Variants in CLYBL observed in about 807,000 individuals in gnomAD.
CLYBL encodes citramalyl-CoA lyase.
Under a neutral mutation model 38.9 loss-of-function variants are expected in CLYBL, and 31 were observed. That is an observed-to-expected ratio of 0.80 (90% confidence interval 0.60 to 1.08). The LOEUF is 1.08. Among genes scored for constraint, CLYBL ranks in the 50% least tolerant of loss-of-function variants. The pLI is 0.00. For missense variants in CLYBL, 434 were observed against 411.6 expected (o/e 1.05, Z -0.47); for synonymous variants, 171 against 158.6 (o/e 1.08, Z -0.59).
chr13:99,709,759 G>A (rs2048198900), intron 1 of CLYBL, among the ~76,000 whole-genome samples: 1 of 152,078 alleles, frequency 6.6e-6, no homozygotes, highest in Non-Finnish European at 1.5e-5. Flanking sequence ...GATGAGGAGC[G>A]TTTATTTTGT....
chr13:99,613,022 G>GATAATA (rs761939321), intron 1 of CLYBL, among the ~76,000 whole-genome samples: 14 of 136,858 alleles, frequency 1.0e-4, no homozygotes, highest in African/African-American at 3.3e-4. Flanking sequence ...TAAAAATAGT[G>GATAATA]ATGATAATAA....
At chr13:99,850,472 A>G (rs1244950324) in intron 2 of CLYBL, among the ~76,000 whole-genome samples, 4 of 152,220 alleles carry the variant, frequency 2.6e-5, no homozygotes, top group African/African-American at 9.6e-5. Context: ...ACATCACACC[A>G]CTAGGATGGC....
At chr13:99,643,215 T>A (rs1475403828) in intron 1 of CLYBL, 2 of 152,764 alleles carry the variant, frequency 1.3e-5, no homozygotes, top group Non-Finnish European at 2.9e-5. Context: ...CCAGAAGTAA[T>A]GCCTGTTCTC....
At position 99,841,692 on chromosome 13, in the gene CLYBL, G is replaced by A. The variant is rs561321446; in HGVS notation, c.250-17169G>A. 1.3e-3 allele frequency among the ~76,000 whole-genome samples: 203 copies of A among 152,240 alleles called. 4 individuals carry two copies. In the South Asian group the frequency reaches 0.018, roughly 13 times the overall value. ...CGGCATCACAGGCGTGAGCCACTGC[G>A]CCCGGCCACACACATTACTTTAAGC... On this transcript the variant is annotated intron_variant, in intron 2 of 8. Transcript: ENST00000339105.
chr13:99,665,609 C>T (rs1340675616), intron 1 of CLYBL, among the ~76,000 whole-genome samples: 1 of 151,794 alleles, frequency 6.6e-6, no homozygotes, highest in Non-Finnish European at 1.5e-5. Flanking sequence ...ACCCAAAACT[C>T]CTCTGGGGAA....
chr13:99,839,412 G>C (rs2051014823), intron 2 of CLYBL, among the ~76,000 whole-genome samples: 1 of 152,216 alleles, frequency 6.6e-6, no homozygotes, highest in Admixed American at 6.5e-5. Context: ...CAAGAGGATG[G>C]CAGGGCTCTT....
intron 1 of CLYBL, among the ~76,000 whole-genome samples, chr13:99,757,613 A>G (rs1220246741): frequency 6.6e-6 from 1 of 152,040 alleles, no homozygotes; most frequent in African/African-American, 2.4e-5. Flanking sequence ...CGGCCACACT[A>G]TGCCTGGCTA....
At chr13:99,737,493 G>A (rs560321962) in intron 1 of CLYBL, among the ~76,000 whole-genome samples, 45 of 152,284 alleles carry the variant, frequency 3.0e-4, no homozygotes, top group African/African-American at 1.0e-3. Flanking sequence ...AGGTGTGCTG[G>A]GTTCCAAAGC....
intron 2 of CLYBL, among the ~76,000 whole-genome samples, chr13:99,810,204 C>T (rs572255395): frequency 1.4e-4 from 21 of 152,342 alleles, no homozygotes; most frequent in East Asian, 5.8e-4. Context: ...CTCTCCTCTC[C>T]GGGCTTATGG....
chr13:99,739,480 C>T (rs754728276), intron 1 of CLYBL, among the ~76,000 whole-genome samples: 11 of 152,274 alleles, frequency 7.2e-5, no homozygotes, highest in East Asian at 1.9e-4. Context: ...ATCCCTGTTA[C>T]GGGCCCACGG....
chr13:99,819,421 TATA>T (rs2050531565), intron 2 of CLYBL, among the ~76,000 whole-genome samples: 1 of 10,092 alleles, frequency 9.9e-5, no homozygotes, highest in African/African-American at 4.2e-4. Context: ...AAAATTTATA[TATA>T]TATATATATA....
chr13:99,828,664 T>C (rs1436673451), intron 2 of CLYBL, among the ~76,000 whole-genome samples: 2 of 152,154 alleles, frequency 1.3e-5, no homozygotes, highest in African/African-American at 2.4e-5. Flanking sequence ...AAAACCTAAA[T>C]GAAATAACTA....
intron 1 of CLYBL, among the ~76,000 whole-genome samples, chr13:99,609,456 T>C (rs1432466621): frequency 6.6e-6 from 1 of 152,170 alleles, no homozygotes; most frequent in African/African-American, 2.4e-5. Context: ...ATTACAGGTG[T>C]GAGCCACCGT....
chr13:99,694,667 C>A (rs1474078662), intron 1 of CLYBL, among the ~76,000 whole-genome samples: 1 of 152,140 alleles, frequency 6.6e-6, no homozygotes, highest in East Asian at 1.9e-4. Context: ...AGGAGCACGT[C>A]TAAATGGAAA....
intron 1 of CLYBL, among the ~76,000 whole-genome samples, chr13:99,702,515 C>T (rs1462062264): frequency 2.6e-5 from 4 of 151,686 alleles, no homozygotes; most frequent in Admixed American, 1.3e-4. Context: ...GCCTGTAATC[C>T]GAGCTACTTA....
chr13:99,794,581 T>TTTTTTATTA (rs1555308131), intron 2 of CLYBL, among the ~76,000 whole-genome samples: 2 of 143,842 alleles, frequency 1.4e-5, no homozygotes, highest in Admixed American at 7.0e-5. Flanking sequence ...TATATTTTCA[T>TTTTTTATTA]TTATTATTAT....
chr13:99,710,183 A>T (rs1446014462), intron 1 of CLYBL, among the ~76,000 whole-genome samples: 2 of 151,970 alleles, frequency 1.3e-5, no homozygotes, highest in Admixed American at 1.3e-4. Context: ...AAGTGCTGGG[A>T]TTACAAGCGT....
intron 1 of CLYBL, among the ~76,000 whole-genome samples, chr13:99,659,706 C>T (rs897133660): frequency 6.6e-6 from 1 of 152,074 alleles, no homozygotes; most frequent in African/African-American, 2.4e-5. Context: ...TACATATTGG[C>T]ATAGTTTTAT....
At chr13:99,862,300 C>T (rs796636778) in intron 3 of CLYBL, among the ~76,000 whole-genome samples, 6 of 151,986 alleles carry the variant, frequency 3.9e-5, no homozygotes, top group African/African-American at 1.4e-4. Flanking sequence ...TTTTTTTCCC[C>T]CTTTTGAAGA....
Sources: allele counts gnomAD v4.1 joint callset (sites outside exome capture counted in the v4.1 genomes callset), GRCh38; gene constraint gnomAD v4.1.1; transcripts MANE v1.5; gene names NCBI Gene and HGNC (gene_info 2026-07-23, HGNC 2026-07-21).